The following CSMD1 variants were observed in gnomAD, a reference collection of about 807,000 sequenced individuals.
The protein encoded by CSMD1 is CUB and sushi domain-containing protein 1.
A neutral mutation model predicts 417.5 loss-of-function variants in CSMD1; 213 were observed. The observed-to-expected ratio is 0.51, with a 90% CI of 0.46 to 0.57. The LOEUF (loss-of-function observed/expected upper bound fraction) is 0.57, where lower values mean the gene tolerates loss of function less well. CSMD1 is among the 20% of genes least tolerant of loss of function. CSMD1 has a pLI of 0.00. For synonymous variants in CSMD1, 2,862 were observed against 1,736.8 expected (o/e 1.65, Z -16.11); for missense variants, 6,923 against 4,529.7 (o/e 1.53, Z -15.17).
intron 18 of CSMD1, among the ~76,000 whole-genome samples, chr8:3,385,807 C>G (rs1810970802): frequency 6.6e-6 from 1 of 152,052 alleles, no homozygotes; most frequent in South Asian, 2.1e-4. Flanking sequence ...GTTTTCACCT[C>G]TTTCATCTGC....
At chr8:4,160,658 G>A (rs1036701285) in intron 3 of CSMD1, among the ~76,000 whole-genome samples, 3 of 152,210 alleles carry the variant, frequency 2.0e-5, no homozygotes, top group Admixed American at 6.5e-5. Context: ...ACTTGTGTGT[G>A]CACAGACACA....
chr8:3,984,196 G>A (rs140835701), intron 5 of CSMD1, among the ~76,000 whole-genome samples: 5 of 145,138 alleles, frequency 3.4e-5, no homozygotes, highest in South Asian at 2.2e-4. Flanking sequence ...CTCTCAGACT[G>A]CGCTTGCACC....
chr8:4,765,299 C>T (rs1032429641), intron 1 of CSMD1, among the ~76,000 whole-genome samples: 7 of 152,160 alleles, frequency 4.6e-5, no homozygotes, highest in Non-Finnish European at 8.8e-5. Context: ...AGCTCTAACT[C>T]AGGGGTAGCA....
At chr8:4,687,434 A>T (rs561772996) in intron 1 of CSMD1, among the ~76,000 whole-genome samples, 2 of 152,258 alleles carry the variant, frequency 1.3e-5, no homozygotes, top group Non-Finnish European at 2.9e-5. Flanking sequence ...AAAACTTTCA[A>T]TGTTGATAAT....
chr8:3,802,926 C>T (rs917493800), intron 5 of CSMD1, among the ~76,000 whole-genome samples: 4 of 151,940 alleles, frequency 2.6e-5, no homozygotes, highest in African/African-American at 4.8e-5. Context: ...TTTGAAAGAA[C>T]CTACAAAAGA....
At chr8:3,198,167 G>C (rs1314213825) in intron 33 of CSMD1, among the ~76,000 whole-genome samples, 1 of 152,056 alleles carries the variant, frequency 6.6e-6, no homozygotes, top group East Asian at 1.9e-4. Flanking sequence ...GACAACATTT[G>C]CATATAAGAC....
At chr8:4,787,586 G>C (rs920297830) in intron 1 of CSMD1, 20 of 1,531,138 alleles carry the variant, frequency 1.3e-5, no homozygotes, top group Admixed American at 1.7e-5. Flanking sequence ...ACCCCAGTGC[G>C]AAATGATTCC....
chr8:4,436,362 C>T (rs192827116), intron 2 of CSMD1, among the ~76,000 whole-genome samples: 228 of 152,098 alleles, frequency 1.5e-3, no homozygotes, highest in African/African-American at 4.5e-3. Context: ...AGATTAATTG[C>T]CTGATTTATA....
intron 3 of CSMD1, among the ~76,000 whole-genome samples, chr8:4,253,509 C>A (rs1803229886): frequency 6.6e-6 from 1 of 152,004 alleles, no homozygotes; most frequent in Non-Finnish European, 1.5e-5. Context: ...AGGTTAAGCC[C>A]CTGGGATAGA....
At chr8:3,860,050 T>C (rs1379528137) in intron 5 of CSMD1, among the ~76,000 whole-genome samples, 3 of 152,016 alleles carry the variant, frequency 2.0e-5, no homozygotes, top group Non-Finnish European at 4.4e-5. Context: ...GGTCATGCCC[T>C]TGCGCTTTGC....
chr8:4,865,853 T>C (rs1802396068), intron 1 of CSMD1, among the ~76,000 whole-genome samples: 1 of 151,928 alleles, frequency 6.6e-6, no homozygotes, highest in Non-Finnish European at 1.5e-5. Flanking sequence ...TTTTGGGACC[T>C]ATTTTTTCCA....
chr8:3,774,553 T>C (rs778894860), intron 5 of CSMD1, among the ~76,000 whole-genome samples: 4 of 152,152 alleles, frequency 2.6e-5, no homozygotes, highest in Admixed American at 6.5e-5. Flanking sequence ...TTCCCCTCCT[T>C]AGTGGACAGA....
At chr8:3,750,757 G>T (rs1157631434) in intron 6 of CSMD1, among the ~76,000 whole-genome samples, 1 of 152,146 alleles carries the variant, frequency 6.6e-6, no homozygotes, top group African/African-American at 2.4e-5. Flanking sequence ...GGGCTGGGTG[G>T]CTGGCAGGGA....
chr8:4,101,553 G>C (rs1801306272), intron 3 of CSMD1, among the ~76,000 whole-genome samples: 1 of 152,202 alleles, frequency 6.6e-6, no homozygotes, highest in Non-Finnish European at 1.5e-5. Flanking sequence ...TTATGGATGT[G>C]TAGGAAGTTT....
chr8:4,016,069 G>C (rs1796509085), intron 4 of CSMD1, among the ~76,000 whole-genome samples: 1 of 152,134 alleles, frequency 6.6e-6, no homozygotes, highest in African/African-American at 2.4e-5. Flanking sequence ...TCCATATCTG[G>C]AAAATCTACC....
chr8:3,708,407 G>A lies in CSMD1; in HGVS notation c.1009+7C>T. 3 of 1,612,420 alleles carry A rather than the reference G, an allele frequency of 1.9e-6. No homozygotes were observed. Among genetic ancestry groups the A allele is most frequent in the Non-Finnish European group, 2.5e-6 (3 of 1,178,484 alleles). ...TCAATCCTCAGATAGAAAGGAAAGG[G>A]ACTCACAGACAGAGTTTTTATGGCT... On this transcript the variant is annotated splice_region_variant and intron_variant, in intron 7 of 69. Transcript: ENST00000635120.
intron 40 of CSMD1, among the ~76,000 whole-genome samples, chr8:3,148,159 A>AT (rs1173297063): frequency 6.6e-6 from 1 of 152,230 alleles, no homozygotes; most frequent in East Asian, 1.9e-4. Context: ...GCAACATGAG[A>AT]GATCAAAAAG....
chr8:4,282,918 T>C (rs948472473), intron 3 of CSMD1, among the ~76,000 whole-genome samples: 2 of 152,200 alleles, frequency 1.3e-5, no homozygotes, highest in East Asian at 1.9e-4. Flanking sequence ...TTCATTGCTG[T>C]ATAAACATTT....
At chr8:3,846,928 G>T (rs1056007890) in intron 5 of CSMD1, among the ~76,000 whole-genome samples, 1 of 152,106 alleles carries the variant, frequency 6.6e-6, no homozygotes, top group Non-Finnish European at 1.5e-5. Flanking sequence ...ACCCGCCCTG[G>T]CCTCCCAAAG....
Sources: gnomAD v4.1 joint callset for allele counts (sites outside exome capture counted in the v4.1 genomes callset) on GRCh38, gnomAD v4.1.1 for gene constraint, MANE v1.5 for transcripts, NCBI Gene and HGNC (gene_info 2026-07-23, HGNC 2026-07-21) for gene names.